The following AGAP1 variants were observed in gnomAD, a reference collection of about 807,000 sequenced individuals.
AGAP1 encodes the protein arf-GAP with GTPase, ANK repeat and PH domain-containing protein 1.
AGAP1 carries 29 observed loss-of-function variants against 105.3 expected under a neutral mutation model. That is an observed-to-expected ratio of 0.28 (90% CI 0.21 to 0.38). The LOEUF is 0.38. Ranked by LOEUF, AGAP1 falls within the 10% of genes least tolerant of loss-of-function variation. The pLI is 1.00. For synonymous variants in AGAP1, 509 were observed against 485.9 expected (o/e 1.05, Z -0.63); for missense variants, 998 against 1,165.1 (o/e 0.86, Z 2.09).
chr2:235,534,400 C>T (rs574867009), intron 1 of AGAP1, among the ~76,000 whole-genome samples: 8 of 152,246 alleles, frequency 5.3e-5, no homozygotes, highest in Admixed American at 2.0e-4. Flanking sequence ...CATCTGAGGA[C>T]TCATTGGATT....
Position 235,788,961 on chromosome 2 carries a change from C to T in AGAP1, c.674-8798C>T, listed in dbSNP as rs1407271765. 6.6e-6 allele frequency among the ~76,000 whole-genome samples: 1 copy of T among 152,218 alleles called. No homozygotes were observed. Among genetic ancestry groups the T allele is most frequent in the Non-Finnish European group, 1.5e-5 (1 of 68,038 alleles). On this transcript the variant is annotated intron_variant, in intron 6 of 17. Transcript: ENST00000304032. The surrounding 1 kb of genome is among the most constrained non-coding windows in gnomAD (Gnocchi z 6.0). ...GGTCAGCTCCCTGGCCCCTGCTGCC[C>T]TCTAGCCCAGGGTGACTATGGGAAC...
chr2:235,934,120 G>A lies in AGAP1; in HGVS notation c.1483+3197G>A, dbSNP rs2052867782. Among the ~76,000 whole-genome samples, 1 of 152,200 alleles carries A rather than the reference G, an allele frequency of 6.6e-6. No homozygotes were observed. The highest frequency in any genetic ancestry group is 2.4e-5 in the African/African-American group (1 of 41,456). ...AGGTGTGCCTCCAGGAGCAGCAGCAGCAGCAGCCCCTGGGAACTGCTTAGA... is the reference window on the plus strand; with the variant it reads ...AGGTGTGCCTCCAGGAGCAGCAGCAACAGCAGCCCCTGGGAACTGCTTAGA... On this transcript the variant is annotated intron_variant, in intron 12 of 17. Coordinates refer to ENST00000304032, the MANE Select transcript of AGAP1 (RefSeq NM_001037131.3). The surrounding 1 kb of genome is among the most constrained non-coding windows in gnomAD (Gnocchi z 4.9).
chr2:235,870,054 G>A (rs867924647), intron 9 of AGAP1, among the ~76,000 whole-genome samples: 2 of 152,142 alleles, frequency 1.3e-5, no homozygotes, highest in African/African-American at 2.4e-5. Flanking sequence ...TGAGCACCAC[G>A]GGGGATGAGG....
Position 236,062,417 on chromosome 2 carries a change from G to A in AGAP1, c.2114+13136G>A, listed in dbSNP as rs1342699044. Among the ~76,000 whole-genome samples, 1 of 151,052 alleles carries A rather than the reference G, an allele frequency of 6.6e-6. No individual in the cohort carries two copies. Among genetic ancestry groups the A allele is most frequent in the African/African-American group, 2.5e-5 (1 of 40,474 alleles). ...GCCAGGCTGGTATGGGATTCTAGGA[G>A]CATACTCAGGACTCGTATTTTGTTG... is the stretch of plus-strand genomic sequence containing the variant. On this transcript the variant is annotated intron_variant, in intron 16 of 17. Coordinates refer to ENST00000304032, the MANE Select transcript of AGAP1 (RefSeq NM_001037131.3). This position sits in a 1 kb window ranked among gnomAD's most constrained non-coding sequence, Gnocchi z 4.2.
Position 235,551,027 on chromosome 2 carries a change from G to A in AGAP1, c.163+56178G>A, listed in dbSNP as rs1943790976. Among the ~76,000 whole-genome samples the A allele has an allele frequency of 6.6e-6, 1 of 152,148 alleles. No homozygotes were observed. The highest frequency in any genetic ancestry group is 2.4e-5 in the African/African-American group (1 of 41,438). ...GGCCTCAAGTGATCCACCCACCTCG[G>A]CCTCTGAAAGTGCTGGGATTACAGG... On this transcript the variant is annotated intron_variant, in intron 1 of 17. Transcript: ENST00000304032. The surrounding 1 kb of genome is among the most constrained non-coding windows in gnomAD (Gnocchi z 4.8).
At chr2:236,047,147 G>A (rs2057745050) in intron 15 of AGAP1, among the ~76,000 whole-genome samples, 1 of 152,148 alleles carries the variant, frequency 6.6e-6, no homozygotes, top group African/African-American at 2.4e-5. Context: ...GGAGGGGTGG[G>A]GCAGTGGCCA....
chr2:235,500,290 C>A (rs966220421), intron 1 of AGAP1, among the ~76,000 whole-genome samples: 1 of 152,026 alleles, frequency 6.6e-6, no homozygotes, highest in African/African-American at 2.4e-5. Flanking sequence ...CGAGAGCAAA[C>A]GTGAGTGTGT....
At chr2:235,768,468 AAAG>A (rs1255989527) in intron 6 of AGAP1, among the ~76,000 whole-genome samples, 1 of 152,246 alleles carries the variant, frequency 6.6e-6, no homozygotes, top group Non-Finnish European at 1.5e-5. Context: ...AGTCATGAGA[AAAG>A]AAGTTAAGTA....
rs2055177458 is a variant in AGAP1 at position 235,983,378 on chromosome 2, C to T, written c.1645+14755C>T. ...AGCACCAACCTCCCATCACTTTCTACATTCTGGCCCCTTTTTCTCCTTTCC... is the reference window on the plus strand; with the variant it reads ...AGCACCAACCTCCCATCACTTTCTATATTCTGGCCCCTTTTTCTCCTTTCC... On this transcript the variant is annotated intron_variant, in intron 13 of 17. Transcript: ENST00000304032. This position sits in a 1 kb window ranked among gnomAD's most constrained non-coding sequence, Gnocchi z 4.5. Among the ~76,000 whole-genome samples, 1 of 152,212 alleles carries T rather than the reference C, an allele frequency of 6.6e-6. No homozygotes were observed.
rs1162994242 is a variant in AGAP1 at position 235,931,847 on chromosome 2, C to T, written c.1483+924C>T. Among the ~76,000 whole-genome samples, 2 of 152,020 alleles carry T rather than the reference C, an allele frequency of 1.3e-5. No individual in the cohort carries two copies. Among genetic ancestry groups the T allele is most frequent in the South Asian group, 4.2e-4 (2 of 4,818 alleles). On this transcript the variant is annotated intron_variant, in intron 12 of 17. Coordinates refer to ENST00000304032, the MANE Select transcript of AGAP1 (RefSeq NM_001037131.3). This position sits in a 1 kb window ranked among gnomAD's most constrained non-coding sequence, Gnocchi z 5.6. Reference sequence around the variant, plus strand: ...CAAACCAAGCCGGGAGACGCGGAGTCAGCGAGGTAGCTCCACACCATAGCG... The same window carrying T: ...CAAACCAAGCCGGGAGACGCGGAGTTAGCGAGGTAGCTCCACACCATAGCG...
At chr2:235,501,340 T>C (rs1266156251) in intron 1 of AGAP1, among the ~76,000 whole-genome samples, 1 of 152,228 alleles carries the variant, frequency 6.6e-6, no homozygotes, top group African/African-American at 2.4e-5. Context: ...TGCTTTTTAA[T>C]GTAGTCTTAT....
At chr2:235,896,421 A>T (rs968483387) in intron 10 of AGAP1, among the ~76,000 whole-genome samples, 1 of 152,190 alleles carries the variant, frequency 6.6e-6, no homozygotes, top group Non-Finnish European at 1.5e-5. Flanking sequence ...AACTCTTCAG[A>T]GCTTGGGTTT....
chr2:235,932,284 C>T (rs114826619), intron 12 of AGAP1, among the ~76,000 whole-genome samples: 181 of 152,274 alleles, frequency 1.2e-3, no homozygotes, highest in Non-Finnish European at 1.9e-3. Context: ...CTTATCTGTT[C>T]AATGGACACG....
In AGAP1 at chr2:235,594,091, G is replaced by T. The variant is rs1163587558; in HGVS notation, c.163+99242G>T. On this transcript the variant is annotated intron_variant, in intron 1 of 17. Coordinates refer to ENST00000304032, the MANE Select transcript of AGAP1 (RefSeq NM_001037131.3). Reference sequence around the variant, plus strand: ...TAATCATAGGTGCACATGTAGTAAGGATAGTTTTCAAGCGGTGTTAAGGAA... The same window carrying T: ...TAATCATAGGTGCACATGTAGTAAGTATAGTTTTCAAGCGGTGTTAAGGAA... Among the ~76,000 whole-genome samples the T allele has an allele frequency of 1.3e-5, 2 of 152,166 alleles. 1 individual carries two copies. The highest frequency in any genetic ancestry group is 3.8e-4 in the East Asian group (2 of 5,196).
rs552473975 is a variant in AGAP1 at position 235,893,461 on chromosome 2, G to A, written c.1155+10012G>A. On this transcript the variant is annotated intron_variant, in intron 10 of 17. Transcript: ENST00000304032. This position sits in a 1 kb window ranked among gnomAD's most constrained non-coding sequence, Gnocchi z 4.7. The stretch of plus-strand genomic sequence containing the variant: ...TAAGGAAGAGCTGTGTCTGTGGTGC[G>A]GGTGCACCATGTCCATCATAAGGGT... 5.7e-4 allele frequency among the ~76,000 whole-genome samples: 86 copies of A among 151,102 alleles called. No individual in the cohort carries two copies. The highest frequency in any genetic ancestry group is 1.9e-3 in the South Asian group (9 of 4,732).
chr2:235,766,537 G>A lies in AGAP1; in HGVS notation c.673+16049G>A, dbSNP rs115197025. 8.7e-3 allele frequency among the ~76,000 whole-genome samples: 1,319 copies of A among 152,330 alleles called. 17 individuals are homozygous for A. Among genetic ancestry groups the A allele is most frequent in the African/African-American group, 0.03 (1,255 of 41,552 alleles). On this transcript the variant is annotated intron_variant, in intron 6 of 17. Coordinates refer to ENST00000304032, the MANE Select transcript of AGAP1 (RefSeq NM_001037131.3). ...TAATAAGATACACTCCGTAAAGCGTGTGAAGTTACTGGATCAGCAGCACAC... is the reference window on the plus strand; with the variant it reads ...TAATAAGATACACTCCGTAAAGCGTATGAAGTTACTGGATCAGCAGCACAC...
chr2:235,687,896 TGA>T (rs1395648877), intron 1 of AGAP1, among the ~76,000 whole-genome samples: 4 of 116,502 alleles, frequency 3.4e-5, no homozygotes, highest in East Asian at 2.7e-4. Context: ...CGCCGCTCTC[TGA>T]CTTTTTTTTT....
At position 235,697,744 on chromosome 2, in the gene AGAP1, CA is replaced by C. The variant is rs1243653572; in HGVS notation, c.164-11434del. Among the ~76,000 whole-genome samples the C allele has an allele frequency of 3.9e-5, 6 of 152,302 alleles. No homozygotes were observed. The East Asian group carries it at 9.7e-4, about 25-fold the overall frequency. The stretch of plus-strand genomic sequence containing the variant: ...AACATTAATTTCACCATGAATTAAA[CA>C]GTATGACTGACTGAGTTTATAATTC... On this transcript the variant is annotated intron_variant, in intron 1 of 17. Transcript: ENST00000304032.
rs79639733 is a variant in AGAP1, at chr2:235,704,678, C to A, written c.164-4501C>A. On this transcript the variant is annotated intron_variant, in intron 1 of 17. Coordinates refer to ENST00000304032, the MANE Select transcript of AGAP1 (RefSeq NM_001037131.3). ...AATGCCGATTTGAAGGTTCTGATTTCCAGAGTCCCGGCTGATGCTCACCTG... is the reference window on the plus strand; with the variant it reads ...AATGCCGATTTGAAGGTTCTGATTTACAGAGTCCCGGCTGATGCTCACCTG... Among the ~76,000 whole-genome samples the A allele has an allele frequency of 3.7e-3, 561 of 152,322 alleles. 4 individuals are homozygous for A. The highest frequency in any genetic ancestry group is 0.012 in the African/African-American group (481 of 41,576).
Sources: gnomAD v4.1 joint callset for allele counts (sites outside exome capture counted in the v4.1 genomes callset) on GRCh38, gnomAD v4.1.1 for gene constraint, Gnocchi (gnomAD v3.1) non-coding constraint, MANE v1.5 for transcripts, NCBI Gene and HGNC (gene_info 2026-07-23, HGNC 2026-07-21) for gene names.